SUGCT: variants seen among roughly 807,000 people sequenced by gnomAD.
The protein encoded by SUGCT is succinyl-CoA:glutarate-CoA transferase.
A neutral mutation model predicts 55.0 loss-of-function variants in SUGCT; 41 were observed. That is an observed-to-expected ratio of 0.74 (90% CI 0.58 to 0.97). The LOEUF is 0.97. Among genes scored for constraint, SUGCT ranks in the 50% least tolerant of loss-of-function variants. The pLI, the probability that SUGCT is intolerant of heterozygous loss-of-function variation, is 0.00. For missense variants in SUGCT, 568 were observed against 547.8 expected, an observed-to-expected ratio of 1.04 and a Z score of -0.37; for synonymous variants, 187 against 200.4, an observed-to-expected ratio of 0.93 and a Z score of 0.56.
chr7:40,492,891 G>A (rs982307737), intron 11 of SUGCT, among the ~76,000 whole-genome samples: 2 of 152,132 alleles, frequency 1.3e-5, no homozygotes, highest in African/African-American at 4.8e-5. Context: ...TCTTAACACA[G>A]GGACGGTCTT....
chr7:40,293,664 A>T (rs1793935421), intron 8 of SUGCT, among the ~76,000 whole-genome samples: 1 of 152,232 alleles, frequency 6.6e-6, no homozygotes, highest in Non-Finnish European at 1.5e-5. Context: ...GATGCAGTAG[A>T]CCCAGGGGTT....
At chr7:40,520,601 C>G (rs1793478905) in intron 12 of SUGCT, among the ~76,000 whole-genome samples, 1 of 152,138 alleles carries the variant, frequency 6.6e-6, no homozygotes, top group Non-Finnish European at 1.5e-5. Flanking sequence ...AATTAGCACT[C>G]TTTCAAGGCA....
At chr7:40,353,612 C>T (rs1049939932) in intron 9 of SUGCT, among the ~76,000 whole-genome samples, 3 of 152,106 alleles carry the variant, frequency 2.0e-5, no homozygotes, top group African/African-American at 7.2e-5. Flanking sequence ...CTGTGCTTTA[C>T]ATCTCATTTT....
At chr7:40,136,402 G>C (rs1169985204) in intron 1 of SUGCT, among the ~76,000 whole-genome samples, 1 of 152,150 alleles carries the variant, frequency 6.6e-6, no homozygotes, top group East Asian at 1.9e-4. Flanking sequence ...GCTACTCCTC[G>C]CTGTCTCTTT....
intron 12 of SUGCT, among the ~76,000 whole-genome samples, chr7:40,690,665 C>T (rs947285884): frequency 2.0e-5 from 3 of 151,956 alleles, no homozygotes; most frequent in Non-Finnish European, 4.4e-5. Flanking sequence ...ACCTCCTCGG[C>T]TCAGATGATC....
At chr7:40,430,835 C>T (rs180741584) in intron 9 of SUGCT, among the ~76,000 whole-genome samples, 7 of 151,386 alleles carry the variant, frequency 4.6e-5, no homozygotes, top group East Asian at 2.0e-4. Flanking sequence ...GCCTGTGGGC[C>T]GGGCACTGTG....
intron 8 of SUGCT, among the ~76,000 whole-genome samples, chr7:40,298,377 A>C (rs1426529721): frequency 2.0e-5 from 3 of 152,154 alleles, no homozygotes; most frequent in African/African-American, 7.2e-5. Flanking sequence ...GTGTCAAGAA[A>C]TATAAAACCC....
At chr7:40,233,240 G>T (rs1368664373) in intron 6 of SUGCT, among the ~76,000 whole-genome samples, 1 of 151,810 alleles carries the variant, frequency 6.6e-6, no homozygotes, top group Admixed American at 6.6e-5. Context: ...TTATTTTTGA[G>T]ATGGAGTCTT....
chr7:40,534,787 T>C (rs1024910525), intron 12 of SUGCT, among the ~76,000 whole-genome samples: 1 of 152,192 alleles, frequency 6.6e-6, no homozygotes, highest in African/African-American at 2.4e-5. Context: ...ATTTGAAAAA[T>C]TACTTATGCC....
At chr7:40,439,643 C>A (rs992077524) in intron 9 of SUGCT, among the ~76,000 whole-genome samples, 1 of 152,092 alleles carries the variant, frequency 6.6e-6, no homozygotes, top group Non-Finnish European at 1.5e-5. Flanking sequence ...CTTCTCTACT[C>A]TTTTTTAGTC....
At chr7:40,395,317 C>T (rs1449050791) in intron 9 of SUGCT, among the ~76,000 whole-genome samples, 5 of 151,582 alleles carry the variant, frequency 3.3e-5, no homozygotes, top group Non-Finnish European at 7.4e-5. Context: ...GGTGAAACCT[C>T]GTCTCTACTA....
chr7:40,860,152 A>G (rs1045463158), intron 13 of SUGCT, among the ~76,000 whole-genome samples, 164 bp from the exon 14 acceptor site: 15 of 152,250 alleles, frequency 9.9e-5, no homozygotes, highest in South Asian at 8.3e-4. Flanking sequence ...GAAAAGCCAC[A>G]TGTGAAAACA....
At chr7:40,338,296 C>T (rs374103043) in intron 9 of SUGCT, among the ~76,000 whole-genome samples, 136 of 152,176 alleles carry the variant, frequency 8.9e-4, no homozygotes, top group Middle Eastern at 6.8e-3. Flanking sequence ...TGTTGGCCTG[C>T]CTTGCTAGGT....
intron 9 of SUGCT, among the ~76,000 whole-genome samples, chr7:40,413,528 G>A (rs1261132471): frequency 6.6e-6 from 1 of 152,110 alleles, no homozygotes; most frequent in Non-Finnish European, 1.5e-5. Flanking sequence ...ATTTGGGCAG[G>A]AATGTACATT....
intron 12 of SUGCT, among the ~76,000 whole-genome samples, chr7:40,742,838 T>C (rs1431360584): frequency 6.6e-6 from 1 of 152,226 alleles, no homozygotes; most frequent in Non-Finnish European, 1.5e-5. Flanking sequence ...ATGTAACCTT[T>C]CAAATATTAT....
At chr7:40,310,046 A>T (rs1324505690) in intron 8 of SUGCT, among the ~76,000 whole-genome samples, 2 of 152,200 alleles carry the variant, frequency 1.3e-5, no homozygotes, top group African/African-American at 4.8e-5. Flanking sequence ...CCTTAAGTAT[A>T]GGCTTATGTA....
intron 7 of SUGCT, among the ~76,000 whole-genome samples, chr7:40,241,910 C>A (rs1789421556): frequency 1.0e-5 from 1 of 100,394 alleles, no homozygotes; most frequent in Non-Finnish European, 1.9e-5. Flanking sequence ...CAGACCAAGA[C>A]TCTGTCTCCA....
rs138571196 is a variant in SUGCT at position 40,479,380 on chromosome 7, A to G, written c.987-16904A>G. On this transcript the variant is annotated intron_variant, in intron 11 of 13. Transcript: ENST00000335693. ...TTAGACACAATATTCATACAATAAC[A>G]TGCTGTACAGGTTTGTAGCCTAGCA... Among the ~76,000 whole-genome samples the G allele has an allele frequency of 2.1e-3, 314 of 152,268 alleles. 2 individuals carry two copies. Among genetic ancestry groups the G allele is most frequent in the African/African-American group, 7.3e-3 (302 of 41,574 alleles).
chr7:40,640,557 T>C (rs1477363739), intron 12 of SUGCT, among the ~76,000 whole-genome samples: 1 of 152,222 alleles, frequency 6.6e-6, no homozygotes, highest in Non-Finnish European at 1.5e-5. Context: ...CAAATATTTC[T>C]TATTATATGG....
Sources: allele counts gnomAD v4.1 joint callset (sites outside exome capture counted in the v4.1 genomes callset), GRCh38; gene constraint gnomAD v4.1.1; transcripts MANE v1.5; gene names NCBI Gene and HGNC (gene_info 2026-07-23, HGNC 2026-07-21).